The following CFAP73 variants were observed in gnomAD, a reference collection of about 807,000 sequenced individuals.
CFAP73 encodes the protein cilia- and flagella-associated protein 73.
In CFAP73, 33 loss-of-function variants were observed where a neutral mutation model predicts 42.9. The ratio of observed to expected loss-of-function variants is 0.77; its 90% CI spans 0.58 to 1.03. The LOEUF is 1.03. CFAP73 is among the 50% of genes least tolerant of loss of function. CFAP73 has a pLI of 0.00. For synonymous variants in CFAP73, 162 were observed against 186.8 expected (o/e 0.87, Z 1.08); for missense variants, 392 against 411.9 (o/e 0.95, Z 0.42).
At chr12:113,152,098 G>A (rs1482947727) in intron 2 of CFAP73, 75 bp downstream of exon 2, 1 of 1,059,526 alleles carries the variant, frequency 9.4e-7, no homozygotes, top group Non-Finnish European at 1.4e-6. Context: ...TAGTGACAAG[G>A]TCTGAGACAA....
chr12:113,151,854 T>TGGTGAGATGTGG lies in CFAP73; in HGVS notation c.57-61_57-50dup, dbSNP rs535290025. ...GGCTAATGGGGCACTCCAGACACAG[T>TGGTGAGATGTGG]GGTGAGATGTGGGGCCCTGAAACAT... On this transcript the variant is annotated intron_variant, in intron 1 of 7. Coordinates refer to ENST00000335621, the MANE Select transcript of CFAP73 (RefSeq NM_001144872.3). 5.7e-4 allele frequency: 647 copies of TGGTGAGATGTGG among 1,133,150 alleles called. 1 individual carries two copies. Among genetic ancestry groups the TGGTGAGATGTGG allele is most frequent in the Non-Finnish European group, 6.3e-4 (488 of 779,272 alleles). The allele number at this position is 1,133,150 out of a possible 1,614,324, so 70.2% of individuals were successfully genotyped here.
In CFAP73 at chr12:113,149,893, T is replaced by C. The variant is rs1009566754; in HGVS notation, c.36T>C (p.Ala12=). 2.6e-6 allele frequency: 4 copies of C among 1,551,496 alleles called. No homozygotes were observed. The highest frequency in any genetic ancestry group is 2.0e-5 in the Admixed American group (1 of 50,988). Residue 12 remains alanine, a synonymous_variant, in exon 1 of 8, where the codon GCT becomes GCC. Transcript: ENST00000335621. ...AVPWEEYFRL[A]LQEKLSTKLP... Reference sequence around the variant, plus strand: ...CCTGGGAGGAATATTTCCGACTGGCTTTGCAAGAGAAACTGTCTACGTGAG... The same window carrying C: ...CCTGGGAGGAATATTTCCGACTGGCCTTGCAAGAGAAACTGTCTACGTGAG...
In CFAP73 at chr12:113,159,123, G is replaced by A. The variant is rs2136311159; in HGVS notation, c.*434G>A. 1 of 1,578,834 alleles carries A rather than the reference G, an allele frequency of 6.3e-7. No individual in the cohort carries two copies. Among genetic ancestry groups the A allele is most frequent in the African/African-American group, 1.3e-5 (1 of 74,632 alleles). Reference sequence around the variant, plus strand: ...GCCGGGATGCACCTGCTGGGACAGGGATTCAGGGAGCTCAGCTGTTGGGAT... The same window carrying A: ...GCCGGGATGCACCTGCTGGGACAGGAATTCAGGGAGCTCAGCTGTTGGGAT... On this transcript the variant is annotated 3_prime_UTR_variant, in exon 8 of 8. Coordinates refer to ENST00000335621, the MANE Select transcript of CFAP73 (RefSeq NM_001144872.3).
rs1267416798 is a variant in CFAP73 at position 113,153,374 on chromosome 12, G to C, written c.434G>C (p.Arg145Pro). 4.8e-6 allele frequency: 7 copies of C among 1,471,366 alleles called. No homozygotes were observed. The South Asian group carries it at 7.9e-5, about 17-fold the overall frequency. 91.1% of individuals were successfully genotyped at this position (1,471,366 alleles called of 1,614,324 possible). Reference protein sequence around the residue: ...RRLKRLEPCARLLEQALELLP... With the variant: ...RRLKRLEPCAPLLEQALELLP... ...CTTAAGCGCCTGGAGCCCTGCGCGC[G>C]CCTGCTGGAGCAAGCGCTGGAGCTG... The change falls in exon 4 of 8, where the codon CGC (arginine) becomes CCC (proline). Residue 145 changes from arginine (R) to proline (P), a missense_variant. Coordinates refer to ENST00000335621, the MANE Select transcript of CFAP73 (RefSeq NM_001144872.3).
chr12:113,149,746 C>A lies in CFAP73; in HGVS notation c.-112C>A. Reference sequence around the variant, plus strand: ...ACCAGAGCCTGCTGGTGGCTGCCTTCTGGGCCGAGCTGAGCAGGCTTCCAC... The same window carrying A: ...ACCAGAGCCTGCTGGTGGCTGCCTTATGGGCCGAGCTGAGCAGGCTTCCAC... On this transcript the variant is annotated 5_prime_UTR_variant, in exon 1 of 8. In the 5' UTR this introduces an upstream ATG that the reference lacks. Coordinates refer to ENST00000335621, the MANE Select transcript of CFAP73 (RefSeq NM_001144872.3). 1 of 1,108,664 alleles carries A rather than the reference C, an allele frequency of 9.0e-7. No individual in the cohort carries two copies. The highest frequency in any genetic ancestry group is 1.3e-6 in the Non-Finnish European group (1 of 763,224). 68.7% of individuals were successfully genotyped at this position (1,108,664 alleles called of 1,614,324 possible).
Position 113,153,280 on chromosome 12 carries a change from G to A in CFAP73, c.340G>A (p.Val114Met), listed in dbSNP as rs1039248385. The change falls in exon 4 of 8, where the codon GTG becomes ATG. Residue 114 changes from valine (V) to methionine (M), a missense_variant. By Grantham distance (21) the Val-to-Met change is conservative (BLOSUM62 1). Coordinates refer to ENST00000335621, the MANE Select transcript of CFAP73 (RefSeq NM_001144872.3). ...EERHQAGRRE[V>M]EALRLWTQLQ... ...GAGGCACCAGGCGGGCCGTCGGGAG[G>A]TGGAGGCGCTGCGTCTGTGGACCCA... The A allele has an allele frequency of 9.9e-6, 15 of 1,519,730 alleles. No homozygotes were observed. In the African/African-American group the frequency reaches 2.1e-4, roughly 21 times the overall value. 94.1% of individuals were successfully genotyped at this position (1,519,730 alleles called of 1,614,324 possible).
At chr12:113,156,278 T>C (rs1952125086) in intron 6 of CFAP73, among the ~76,000 whole-genome samples, 1 of 151,938 alleles carries the variant, frequency 6.6e-6, no homozygotes, top group Admixed American at 6.6e-5. Context: ...TTGTTTCTAG[T>C]GGGTATACCC....
chr12:113,157,295 C>A, intron 6 of CFAP73: 1 of 403,788 alleles, frequency 2.5e-6, no homozygotes, highest in Non-Finnish European at 4.5e-6. Flanking sequence ...ATGACTGATC[C>A]AGTTACAAGA....
In CFAP73 at chr12:113,152,903, T is replaced by TG. The variant is rs779959336; in HGVS notation, c.267+23dup. On this transcript the variant is annotated intron_variant, in intron 3 of 7. Coordinates refer to ENST00000335621, the MANE Select transcript of CFAP73 (RefSeq NM_001144872.3). Reference sequence around the variant, plus strand: ...GTTTTTGCAGGTAGGTGGAGCCTCCTGGGGGGGAGGCGGGGCCTATGGGTA... The same window carrying TG: ...GTTTTTGCAGGTAGGTGGAGCCTCCTGGGGGGGGAGGCGGGGCCTATGGGTA... 46 of 1,512,388 alleles carry TG rather than the reference T, an allele frequency of 3.0e-5. No individual in the cohort carries two copies. Among genetic ancestry groups the TG allele is most frequent in the East Asian group, 4.9e-5 (2 of 40,776 alleles). The allele number at this position is 1,512,388 out of a possible 1,614,324, so 93.7% of individuals were successfully genotyped here. A position where few individuals can be genotyped will look rare whatever the true frequency, so the allele number is the denominator to read the frequency against.
chr12:113,158,733 C>T lies in CFAP73; in HGVS notation c.*44C>T, dbSNP rs1952166720. The T allele has an allele frequency of 5.6e-6, 5 of 886,718 alleles. No individual in the cohort carries two copies. The highest frequency in any genetic ancestry group is 6.7e-6 in the Non-Finnish European group (4 of 595,936). 54.9% of individuals were successfully genotyped at this position (886,718 alleles called of 1,614,324 possible). A position where few individuals can be genotyped will look rare whatever the true frequency, so the allele number is the denominator to read the frequency against. ...CAGCTGCTGCCCTTCTGTGGCCATACAGTGCTCCTTTTCACAGATGATGGC... is the reference window on the plus strand; with the variant it reads ...CAGCTGCTGCCCTTCTGTGGCCATATAGTGCTCCTTTTCACAGATGATGGC... On this transcript the variant is annotated 3_prime_UTR_variant, in exon 8 of 8. Transcript: ENST00000335621. The surrounding 1 kb of genome is among the most constrained non-coding windows in gnomAD (Gnocchi z 4.9).
intron 6 of CFAP73, chr12:113,157,259 T>C: frequency 3.6e-6 from 1 of 280,672 alleles, no homozygotes; most frequent in Non-Finnish European, 6.7e-6. Flanking sequence ...CCCACGGAGA[T>C]AAGAGTAGGT....
At chr12:113,149,970 G>A in intron 1 of CFAP73, 57 bp downstream of exon 1, 1 of 1,518,168 alleles carries the variant, frequency 6.6e-7, no homozygotes, top group Non-Finnish European at 8.9e-7. Flanking sequence ...GCGTGGGCTG[G>A]CCCATCCTTT....
At chr12:113,156,508 G>A (rs1020818261) in intron 6 of CFAP73, among the ~76,000 whole-genome samples, 1 of 151,926 alleles carries the variant, frequency 6.6e-6, no homozygotes, top group African/African-American at 2.4e-5. Context: ...GGTGTCTGAG[G>A]AGTTTTGTCT....
Position 113,154,654 on chromosome 12 carries a change from G to A in CFAP73, c.690+19G>A, listed in dbSNP as rs948163440. ...GCAGTGGGTACGACCCGCCCTAGGT[G>A]GGGGGCGCTCCGGACCCCAGGCTTC... is the stretch of plus-strand genomic sequence containing the variant. On this transcript the variant is annotated intron_variant, in intron 5 of 7. Coordinates refer to ENST00000335621, the MANE Select transcript of CFAP73 (RefSeq NM_001144872.3). The surrounding 1 kb of genome is among the most constrained non-coding windows in gnomAD (Gnocchi z 4.7). The A allele has an allele frequency of 5.8e-6, 8 of 1,384,228 alleles. No homozygotes were observed. The South Asian group carries it at 8.4e-5, about 14-fold the overall frequency. The allele number at this position is 1,384,228 out of a possible 1,614,324, so 85.7% of individuals were successfully genotyped here.
intron 3 of CFAP73, 25 bp from the exon 4 acceptor site, chr12:113,153,183 G>A (rs1366639304): frequency 1.4e-6 from 2 of 1,478,424 alleles, no homozygotes; most frequent in Non-Finnish European, 1.8e-6. Flanking sequence ...CCTGAAGGTC[G>A]TCTTCTCCCC....
rs1384306398 is a variant in CFAP73 at position 113,157,635 on chromosome 12, C to A, written c.883C>A (p.Leu295Met). 2.6e-6 allele frequency: 4 copies of A among 1,551,664 alleles called. No individual in the cohort carries two copies. The Admixed American group carries it at 7.8e-5, about 30-fold the overall frequency. Residue 295 changes from leucine to methionine, a missense_variant, in exon 7 of 8, where the codon CTG becomes ATG. Coordinates refer to ENST00000335621, the MANE Select transcript of CFAP73 (RefSeq NM_001144872.3). ...KLFMQDLSAM[L>M]AGLGQAEPAA... ...GTTCATGCAGGACCTCTCTGCCATGCTGGCCGGCCTGGGTCAGGCTGAGCC... is the reference window on the plus strand; with the variant it reads ...GTTCATGCAGGACCTCTCTGCCATGATGGCCGGCCTGGGTCAGGCTGAGCC...
In CFAP73 at chr12:113,152,860, G is replaced by C. The variant is rs754005172; in HGVS notation, c.240G>C (p.Ser80=). Residue 80 remains serine, a synonymous_variant, in exon 3 of 8, where the codon TCG becomes TCC. Coordinates refer to ENST00000335621, the MANE Select transcript of CFAP73 (RefSeq NM_001144872.3). The part of the protein sequence containing the change: ...LEQKERELKG[S]FIRFDKFLQD... ...AAAAGGAGCGGGAGCTAAAGGGATC[G>C]TTCATCCGCTTTGACAAGTTTTTGC... The C allele has an allele frequency of 2.6e-6, 4 of 1,551,520 alleles. No individual in the cohort carries two copies. The African/African-American group carries it at 5.5e-5, about 21-fold the overall frequency.
At position 113,149,915 on chromosome 12, in the gene CFAP73, T is replaced by C; in HGVS notation, c.56+2T>C. The C allele has an allele frequency of 6.4e-7, 1 of 1,551,394 alleles. No individual in the cohort carries two copies. The highest frequency in any genetic ancestry group is 8.7e-7 in the Non-Finnish European group (1 of 1,146,854). On this transcript the variant is annotated splice_donor_variant, in intron 1 of 7. Coordinates refer to ENST00000335621, the MANE Select transcript of CFAP73 (RefSeq NM_001144872.3). LOFTEE classifies it high-confidence loss of function. ...GGCTTTGCAAGAGAAACTGTCTACGTGAGTGGGACGTAGAGGGAGGGAGGG... is the reference window on the plus strand; with the variant it reads ...GGCTTTGCAAGAGAAACTGTCTACGCGAGTGGGACGTAGAGGGAGGGAGGG...
At chr12:113,155,606 C>T (rs1179800897) in intron 6 of CFAP73, among the ~76,000 whole-genome samples, 188 bp downstream of exon 6, 1 of 152,080 alleles carries the variant, frequency 6.6e-6, no homozygotes, top group African/African-American at 2.4e-5. Context: ...CTGGGTGCAT[C>T]TTGGCTCTGA....
Sources: allele counts gnomAD v4.1 joint callset (sites outside exome capture counted in the v4.1 genomes callset), GRCh38; gene constraint gnomAD v4.1.1; non-coding constraint Gnocchi (gnomAD v3.1); transcripts MANE v1.5; gene names NCBI Gene and HGNC (gene_info 2026-07-23, HGNC 2026-07-21).